SRD5A2: variants seen among roughly 807,000 people sequenced by gnomAD.
SRD5A2 encodes the protein steroid 5 alpha-reductase 2.
A neutral mutation model predicts 27.4 loss-of-function variants in SRD5A2; 30 were observed. The ratio of observed to expected loss-of-function variants is 1.10; its 90% confidence interval spans 0.82 to 1.49. The LOEUF is 1.49. Among genes scored for constraint, SRD5A2 ranks in the 40% most tolerant of loss-of-function variants. SRD5A2 has a pLI of 0.00. For synonymous variants in SRD5A2, 141 were observed against 133.6 expected (o/e 1.06, Z -0.38); for missense variants, 348 against 323.4 (o/e 1.08, Z -0.58).
At chr2:31,616,123 G>T in the SRD5A2 span, among the ~76,000 whole-genome samples, 4 of 151,976 alleles carry the variant, frequency 2.6e-5, no homozygotes, top group Non-Finnish European at 4.4e-5. Flanking sequence ...CAAGAATTTA[G>T]GTTTGGGAAC....
the SRD5A2 span, among the ~76,000 whole-genome samples, chr2:31,638,347 G>C: frequency 6.6e-6 from 1 of 152,084 alleles, no homozygotes; most frequent in South Asian, 2.1e-4. Context: ...TGTGGTCTAA[G>C]ATACGGTCTA....
At chr2:31,621,270 GCTC>G in the SRD5A2 span, among the ~76,000 whole-genome samples, 2 of 151,812 alleles carry the variant, frequency 1.3e-5, no homozygotes, top group African/African-American at 4.8e-5. Flanking sequence ...CCTTTCCATT[GCTC>G]CTCATCTCCC....
chr2:31,626,652 T>C, the SRD5A2 span, among the ~76,000 whole-genome samples: 1 of 152,162 alleles, frequency 6.6e-6, no homozygotes, highest in African/African-American at 2.4e-5. Context: ...ATATGATGGA[T>C]TACATTTATT....
At chr2:31,661,079 G>A in the SRD5A2 span, among the ~76,000 whole-genome samples, 1 of 152,096 alleles carries the variant, frequency 6.6e-6, no homozygotes, top group Admixed American at 6.6e-5. Context: ...AGAAACCTTG[G>A]TGATTCAAGG....
At chr2:31,653,945 C>T in the SRD5A2 span, among the ~76,000 whole-genome samples, 1 of 152,208 alleles carries the variant, frequency 6.6e-6, no homozygotes, top group African/African-American at 2.4e-5. Flanking sequence ...AGGCGTGACC[C>T]ACTGCACCCA....
rs1665726259 is a variant in SRD5A2 at position 31,524,296 on chromosome 2, TGTATTCCTCA to T, written c.*1890_*1899del. The T allele has an allele frequency of 4.4e-6, 1 of 228,046 alleles. No individual in the cohort carries two copies. Among genetic ancestry groups the T allele is most frequent in the Admixed American group, 5.7e-5 (1 of 17,554 alleles). 14.1% of individuals were successfully genotyped at this position (228,046 alleles called of 1,614,324 possible). On this transcript the variant is annotated 3_prime_UTR_variant, in exon 5 of 5. Coordinates refer to ENST00000622030, the MANE Select transcript of SRD5A2 (RefSeq NM_000348.4). ...TCACCAAGTGTGTTCATTCCCCCTG[TGTATTCCTCA>T]GCACCAGGAGTGGCATCTAACCTCA...
the SRD5A2 span, among the ~76,000 whole-genome samples, chr2:31,637,337 T>C: frequency 3.3e-5 from 5 of 151,972 alleles, no homozygotes; most frequent in Non-Finnish European, 7.4e-5. Context: ...ATCAGCAGGG[T>C]TTGTCTTCTG....
At chr2:31,610,111 A>G in the SRD5A2 span, among the ~76,000 whole-genome samples, 3 of 152,148 alleles carry the variant, frequency 2.0e-5, no homozygotes, top group African/African-American at 7.2e-5. Flanking sequence ...AACTAATACC[A>G]ATGTTTCTCA....
intron 4 of SRD5A2, among the ~76,000 whole-genome samples, chr2:31,526,739 T>C (rs545095228): frequency 6.6e-6 from 1 of 152,218 alleles, no homozygotes; most frequent in Non-Finnish European, 1.5e-5. Flanking sequence ...CCATGTATCA[T>C]GGGTTGAATT....
chr2:31,608,675 C>T, the SRD5A2 span, among the ~76,000 whole-genome samples: 1 of 151,700 alleles, frequency 6.6e-6, no homozygotes, highest in African/African-American at 2.4e-5. Flanking sequence ...TACAATAGCA[C>T]CAAACAGAAC....
rs751831199 is a variant in SRD5A2 at position 31,526,058 on chromosome 2, C to T, written c.*138G>A. ...TCTAAGCAGACACCACTCAGAATCC[C>T]CAGGCCAGCTGGCAGAACGCCAGGA... On this transcript the variant is annotated 3_prime_UTR_variant, in exon 5 of 5. Coordinates refer to ENST00000622030, the MANE Select transcript of SRD5A2 (RefSeq NM_000348.4). 17 of 595,558 alleles carry T rather than the reference C, an allele frequency of 2.9e-5. No homozygotes were observed. Among genetic ancestry groups the T allele is most frequent in the Non-Finnish European group, 4.7e-5 (16 of 341,850 alleles). The allele number at this position is 595,558 out of a possible 1,614,324, so 36.9% of individuals were successfully genotyped here. A position where few individuals can be genotyped will look rare whatever the true frequency, so the allele number is the denominator to read the frequency against.
intron 1 of SRD5A2, among the ~76,000 whole-genome samples, chr2:31,562,138 T>C (rs1666636839): frequency 6.6e-6 from 1 of 152,192 alleles, no homozygotes; most frequent in African/African-American, 2.4e-5. Context: ...CTCCTTTATT[T>C]CTCAATGTTT....
At chr2:31,643,956 A>G in the SRD5A2 span, among the ~76,000 whole-genome samples, 3 of 152,350 alleles carry the variant, frequency 2.0e-5, no homozygotes, top group East Asian at 5.8e-4. Flanking sequence ...CATGTGTGAA[A>G]GCATTCTAAA....
the SRD5A2 span, among the ~76,000 whole-genome samples, chr2:31,610,330 T>G: frequency 6.6e-6 from 1 of 152,166 alleles, no homozygotes; most frequent in Non-Finnish European, 1.5e-5. Context: ...CATTTACCAT[T>G]ATCAAGCATA....
intron 1 of SRD5A2, among the ~76,000 whole-genome samples, chr2:31,543,126 G>A (rs1298202507): frequency 1.3e-5 from 2 of 152,172 alleles, no homozygotes; most frequent in African/African-American, 4.8e-5. Flanking sequence ...AAATTTTAGA[G>A]ATAAGAAGGC....
chr2:31,544,832 G>T (rs1666210382), intron 1 of SRD5A2, among the ~76,000 whole-genome samples: 1 of 151,494 alleles, frequency 6.6e-6, no homozygotes, highest in Non-Finnish European at 1.5e-5. Flanking sequence ...ATAGAGACAA[G>T]ACTCATATTA....
intron 1 of SRD5A2, among the ~76,000 whole-genome samples, chr2:31,575,995 G>A (rs1237055474): frequency 6.6e-6 from 1 of 152,154 alleles, no homozygotes; most frequent in Non-Finnish European, 1.5e-5. Flanking sequence ...CAAGAGGTGA[G>A]ATGGATGGAT....
chr2:31,661,504 C>T, the SRD5A2 span, among the ~76,000 whole-genome samples: 2 of 152,248 alleles, frequency 1.3e-5, no homozygotes, highest in Admixed American at 1.3e-4. Context: ...TGATATACAA[C>T]CATCTTTGAA....
At chr2:31,650,399 G>A in the SRD5A2 span, among the ~76,000 whole-genome samples, 1 of 152,144 alleles carries the variant, frequency 6.6e-6, no homozygotes, top group African/African-American at 2.4e-5. Flanking sequence ...AGAATAGTAA[G>A]GACCAAGAAA....
Sources: allele counts gnomAD v4.1 joint callset (sites outside exome capture counted in the v4.1 genomes callset), GRCh38; gene constraint gnomAD v4.1.1; transcripts MANE v1.5; gene names NCBI Gene and HGNC (gene_info 2026-07-23, HGNC 2026-07-21).